Variants in AKAP9 observed in about 807,000 individuals in gnomAD.
The protein encoded by AKAP9 is A-kinase anchor protein 9.
A neutral mutation model predicts 488.5 loss-of-function variants in AKAP9; 311 were observed. The observed-to-expected ratio is 0.64, with a 90% CI of 0.58 to 0.70. AKAP9 has a LOEUF of 0.70. Ranked by LOEUF, AKAP9 falls within the 30% of genes least tolerant of loss-of-function variation. AKAP9 has a pLI of 0.00. For missense variants in AKAP9, 4,215 were observed against 4,374.5 expected (o/e 0.96, Z 1.03); for synonymous variants, 1,462 against 1,483.5 (o/e 0.99, Z 0.33).
chr7:92,016,080 A>G, intron 10 of AKAP9, 49 bp from the exon 11 acceptor site: 2 of 1,491,904 alleles, frequency 1.3e-6, no homozygotes, highest in East Asian at 2.3e-5. Flanking sequence ...CTTTAGAAGC[A>G]GAAATCAAAA....
Position 92,061,333 on chromosome 7 carries a change from C to T in AKAP9, c.5675C>T (p.Ser1892Phe), listed in dbSNP as rs1417471109. The change falls in exon 23 of 50, where the codon TCC (serine) becomes TTC (phenylalanine). Residue 1892 changes from serine to phenylalanine, a missense_variant. Coordinates refer to ENST00000356239, the MANE Select transcript of AKAP9 (RefSeq NM_005751.5). ...SFRQKQEATE[S>F]LKCQEELRER... ...AGACAGAAACAAGAAGCAACAGAGT[C>T]CCTTAAGTGCCAAGAGGAACTTCGA... 6.8e-6 allele frequency: 11 copies of T among 1,613,056 alleles called. No homozygotes were observed. The highest frequency in any genetic ancestry group is 9.3e-6 in the Non-Finnish European group (11 of 1,179,488).
chr7:92,020,852 G>A (rs1014064635), intron 12 of AKAP9, among the ~76,000 whole-genome samples: 2 of 152,192 alleles, frequency 1.3e-5, no homozygotes, highest in Non-Finnish European at 2.9e-5. Flanking sequence ...ATTGGGTAGA[G>A]GATGTATAAG....
chr7:92,023,084 A>G (rs1455880061), intron 14 of AKAP9, 75 bp downstream of exon 14: 11 of 1,517,092 alleles, frequency 7.3e-6, no homozygotes, highest in Non-Finnish European at 1.0e-5. Context: ...CAGAATGGTT[A>G]TTTAAAAAAG....
chr7:91,947,447 A>C (rs1332315083), intron 1 of AKAP9, among the ~76,000 whole-genome samples: 1 of 151,256 alleles, frequency 6.6e-6, no homozygotes, highest in Non-Finnish European at 1.5e-5. Flanking sequence ...GGTTCTAGCT[A>C]TTCTCCTGCC....
intron 7 of AKAP9, chr7:91,996,014 T>C (rs1736096924): frequency 2.0e-6 from 1 of 498,622 alleles, no homozygotes; most frequent in African/African-American, 2.0e-5. Flanking sequence ...CAGCCTATGT[T>C]AAACTGAATT....
chr7:92,079,367 A>G lies in AKAP9; in HGVS notation c.7234A>G (p.Met2412Val). The G allele has an allele frequency of 6.2e-7, 1 of 1,614,086 alleles. No homozygotes were observed. The highest frequency in any genetic ancestry group is 8.5e-7 in the Non-Finnish European group (1 of 1,180,006). The part of the protein sequence containing the change: ...VETANEEMTF[M>V]KNVLKETNFK... ...AACCGCTAATGAAGAAATGACCTTC[A>G]TGAAAAATGTACTTAAAGAAACCAA... The change falls in exon 31 of 50, where the codon ATG becomes GTG. Residue 2412 changes from methionine (M) to valine (V), a missense_variant. Met to Val is a conservative substitution (Grantham distance 21). This residue lies in a region of AKAP9 where 1,476 missense variants were observed against 1,477.4 expected (regional missense o/e 1.00). Coordinates refer to ENST00000356239, the MANE Select transcript of AKAP9 (RefSeq NM_005751.5).
intron 3 of AKAP9, among the ~76,000 whole-genome samples, chr7:91,991,655 T>G (rs1797774566): frequency 6.6e-6 from 1 of 151,916 alleles, no homozygotes; most frequent in South Asian, 2.1e-4. Flanking sequence ...GTATTTTTAG[T>G]AGAGACGGGG....
At chr7:91,944,980 T>C (rs144652385) in intron 1 of AKAP9, among the ~76,000 whole-genome samples, 1 of 152,354 alleles carries the variant, frequency 6.6e-6, no homozygotes, top group African/African-American at 2.4e-5. Flanking sequence ...TCTGCCTCTT[T>C]TCCTAATTTG....
At chr7:92,013,604 T>A (rs542113982) in intron 9 of AKAP9, among the ~76,000 whole-genome samples, 2 of 152,288 alleles carry the variant, frequency 1.3e-5, no homozygotes, top group South Asian at 4.1e-4. Flanking sequence ...CAACTAAAGC[T>A]GTCCTTTCCA....
chr7:91,962,453 A>G (rs2130517564), intron 1 of AKAP9, among the ~76,000 whole-genome samples: 1 of 152,336 alleles, frequency 6.6e-6, no homozygotes, highest in Admixed American at 6.5e-5. Context: ...TAGTAGAATT[A>G]AATATGCCCG....
Position 92,101,073 on chromosome 7 carries a change from A to G in AKAP9, c.11097+17A>G, listed in dbSNP as rs375213627. 3.5e-5 allele frequency: 57 copies of G among 1,609,036 alleles called. No individual in the cohort carries two copies. The African/African-American group carries it at 7.2e-4, about 20-fold the overall frequency. On this transcript the variant is annotated intron_variant, in intron 45 of 49. Transcript: ENST00000356239. ...ACTTTAAAGGTAGGAGACATCTCCC[A>G]TCTAAACATCACAGCTGGTTCTATG...
At position 91,980,308 on chromosome 7, in the gene AKAP9, C is replaced by T; in HGVS notation, c.326C>T (p.Thr109Ile). ...FSVELESEISTTADDCSSEVN... is the reference protein window; with the variant it reads ...FSVELESEISITADDCSSEVN... Reference sequence around the variant, plus strand: ...TTTTAGCTGGAAAGTGAAATTTCAACCACAGCAGATGACTGCAGTTCAGAG... The same window carrying T: ...TTTTAGCTGGAAAGTGAAATTTCAATCACAGCAGATGACTGCAGTTCAGAG... The change falls in exon 3 of 50, where the codon ACC becomes ATC. Residue 109 changes from threonine to isoleucine, a missense_variant. Thr to Ile is a moderately conservative substitution (Grantham distance 89, BLOSUM62 -1). This residue lies in a region of AKAP9 where 2,361 missense variants were observed against 2,430.0 expected (regional missense o/e 0.97). Transcript: ENST00000356239. 1 of 1,584,884 alleles carries T rather than the reference C, an allele frequency of 6.3e-7. No individual in the cohort carries two copies. The highest frequency in any genetic ancestry group is 8.6e-7 in the Non-Finnish European group (1 of 1,159,536).
At chr7:91,998,275 C>T (rs1009576270) in intron 7 of AKAP9, among the ~76,000 whole-genome samples, 4 of 152,094 alleles carry the variant, frequency 2.6e-5, no homozygotes, top group Non-Finnish European at 5.9e-5. Context: ...AGGTTGGGGA[C>T]CCCTTCCCTA....
Position 92,059,365 on chromosome 7 carries a change from G to A in AKAP9, c.5602-1895G>A, listed in dbSNP as rs186210817. Reference sequence around the variant, plus strand: ...TTATTTGAAGGGTGTCTCATCTCCCGATGAAGTGTGGATCTCATCTGCTAT... The same window carrying A: ...TTATTTGAAGGGTGTCTCATCTCCCAATGAAGTGTGGATCTCATCTGCTAT... On this transcript the variant is annotated intron_variant, in intron 22 of 49. Transcript: ENST00000356239. Among the ~76,000 whole-genome samples, 227 of 151,832 alleles carry A rather than the reference G, an allele frequency of 1.5e-3. 1 individual carries two copies. The highest frequency in any genetic ancestry group is 5.2e-3 in the African/African-American group (217 of 41,500).
Position 92,102,714 on chromosome 7 carries a change from CT to C in AKAP9, c.11220del (p.Ala3741ProfsTer12). The C allele has an allele frequency of 6.2e-7, 1 of 1,614,244 alleles. No individual in the cohort carries two copies. Among genetic ancestry groups the C allele is most frequent in the Non-Finnish European group, 8.5e-7 (1 of 1,180,036 alleles). ...ATGTGAAGATGCCACCTTGGCCCTG[CT>C]TGCCCGGATGGGGGGGCAGCCAGCT... ...QECEDATLAL[L>X]ARMGGQPAFT... On this transcript the variant is annotated frameshift_variant, in exon 46 of 50. Coordinates refer to ENST00000356239, the MANE Select transcript of AKAP9 (RefSeq NM_005751.5). LOFTEE classifies it high-confidence loss of function.
intron 3 of AKAP9, among the ~76,000 whole-genome samples, chr7:91,987,378 C>T (rs186793057): frequency 0.014 from 2,156 of 151,548 alleles, 29 homozygotes; most frequent in South Asian, 0.044. Context: ...GAGATAGTGC[C>T]ATTGCACTCC....
chr7:92,093,857 T>C (rs1816069164), intron 39 of AKAP9, among the ~76,000 whole-genome samples: 1 of 152,064 alleles, frequency 6.6e-6, no homozygotes, highest in African/African-American at 2.4e-5. Context: ...TTTATTTTTA[T>C]TTAATTGTTT....
chr7:92,099,898 T>G, intron 44 of AKAP9, 29 bp downstream of exon 44: 1 of 1,597,990 alleles, frequency 6.3e-7, no homozygotes, highest in South Asian at 1.1e-5. Context: ...TCTCCATATA[T>G]GAGAATTAGT....
At chr7:92,010,905 A>C (rs1458079179) in intron 8 of AKAP9, among the ~76,000 whole-genome samples, 1 of 152,090 alleles carries the variant, frequency 6.6e-6, no homozygotes, top group Non-Finnish European at 1.5e-5. Context: ...CTCCTACCTG[A>C]ACCTCCTGAG....
Sources: allele counts gnomAD v4.1 joint callset (sites outside exome capture counted in the v4.1 genomes callset), GRCh38; gene constraint gnomAD v4.1.1; regional missense constraint gnomAD v4.1.1; transcripts MANE v1.5; gene names NCBI Gene and HGNC (gene_info 2026-07-23, HGNC 2026-07-21).